Variants in ARHGAP15 observed in about 807,000 individuals in gnomAD.
The protein encoded by ARHGAP15 is Rho GTPase activating protein 15.
ARHGAP15 carries 51 observed loss-of-function variants against 63.7 expected under a neutral mutation model. The observed-to-expected ratio is 0.80, with a 90% confidence interval of 0.64 to 1.01. ARHGAP15 has a LOEUF of 1.01. ARHGAP15 is among the 50% of genes least tolerant of loss of function. The pLI, the probability that ARHGAP15 is intolerant of heterozygous loss-of-function variation, is 0.00. For synonymous variants in ARHGAP15, 191 were observed against 193.8 expected (o/e 0.99, Z 0.12); for missense variants, 560 against 564.6 (o/e 0.99, Z 0.08).
At chr2:143,133,444 T>C (rs1688990349) in intron 1 of ARHGAP15, among the ~76,000 whole-genome samples, 1 of 152,160 alleles carries the variant, frequency 6.6e-6, no homozygotes, top group Non-Finnish European at 1.5e-5. Context: ...TCTTGATGGG[T>C]TGTCTGTCTA....
intron 13 of ARHGAP15, among the ~76,000 whole-genome samples, chr2:143,759,160 G>T (rs549926658): frequency 2.0e-5 from 3 of 152,154 alleles, no homozygotes; most frequent in African/African-American, 7.2e-5. Flanking sequence ...ACTGTCTCCA[G>T]ATATTGCCAA....
intron 11 of ARHGAP15, among the ~76,000 whole-genome samples, chr2:143,563,588 G>A (rs1235911170): frequency 1.3e-5 from 2 of 152,074 alleles, no homozygotes; most frequent in Admixed American, 6.5e-5. Flanking sequence ...GTATTAATTC[G>A]GTTGTAGCTT....
At chr2:143,481,895 A>G in intron 8 of ARHGAP15, among the ~76,000 whole-genome samples, 1 of 152,128 alleles carries the variant, frequency 6.6e-6, no homozygotes, top group Middle Eastern at 3.2e-3. Context: ...AGCACCAATT[A>G]AGTCTCTCAA....
chr2:143,239,838 A>T (rs1693792468), intron 5 of ARHGAP15, among the ~76,000 whole-genome samples: 1 of 152,002 alleles, frequency 6.6e-6, no homozygotes, highest in African/African-American at 2.4e-5. Context: ...TAAAAATACA[A>T]AAATTAGTTG....
intron 13 of ARHGAP15, among the ~76,000 whole-genome samples, chr2:143,725,060 G>T (rs1282612629): frequency 6.6e-6 from 1 of 152,168 alleles, no homozygotes; most frequent in Non-Finnish European, 1.5e-5. Context: ...ACAATGTGGT[G>T]TCCATTGTAA....
intron 10 of ARHGAP15, among the ~76,000 whole-genome samples, chr2:143,552,481 C>T (rs796883247): frequency 8.7e-4 from 133 of 152,018 alleles, no homozygotes; most frequent in African/African-American, 2.6e-3. Context: ...ATTCTTTCCA[C>T]TGGGCTTAGA....
chr2:143,729,795 C>A (rs1217803383), intron 13 of ARHGAP15, among the ~76,000 whole-genome samples: 1 of 152,164 alleles, frequency 6.6e-6, no homozygotes. Context: ...ATTTAGATTG[C>A]CTTAAATCAA....
chr2:143,459,236 G>A (rs188811191), intron 8 of ARHGAP15, among the ~76,000 whole-genome samples: 13 of 152,104 alleles, frequency 8.5e-5, no homozygotes, highest in African/African-American at 2.9e-4. Flanking sequence ...TAATGAAAAA[G>A]AGTTGCAAAG....
chr2:143,179,148 A>G (rs1205947818), intron 2 of ARHGAP15, among the ~76,000 whole-genome samples: 7 of 152,208 alleles, frequency 4.6e-5, no homozygotes, highest in African/African-American at 1.7e-4. Flanking sequence ...TCCTGCACCT[A>G]ACCTAGACCT....
At chr2:143,196,426 CT>C (rs764780799) in intron 2 of ARHGAP15, among the ~76,000 whole-genome samples, 2 of 151,898 alleles carry the variant, frequency 1.3e-5, no homozygotes, top group South Asian at 2.1e-4. Context: ...AGGTTGGACT[CT>C]TTTTTTCTCC....
chr2:143,576,770 T>C (rs1233482893), intron 11 of ARHGAP15, among the ~76,000 whole-genome samples: 3 of 152,136 alleles, frequency 2.0e-5, no homozygotes, highest in African/African-American at 7.2e-5. Context: ...TTTTACCACC[T>C]CTTTTTCACC....
chr2:143,457,062 T>C (rs6736101), intron 8 of ARHGAP15, among the ~76,000 whole-genome samples: 39,209 of 151,986 alleles, frequency 0.26, 5,968 homozygotes, highest in East Asian at 0.7. Context: ...AGTGTGATTA[T>C]TTCACAAACT....
At chr2:143,293,104 A>G (rs1558871493) in intron 6 of ARHGAP15, among the ~76,000 whole-genome samples, 1 of 152,148 alleles carries the variant, frequency 6.6e-6, no homozygotes, top group East Asian at 1.9e-4. Context: ...TCCAGTGTCT[A>G]AAGTCTTTTG....
intron 5 of ARHGAP15, among the ~76,000 whole-genome samples, chr2:143,248,273 C>G (rs1694123236): frequency 6.6e-6 from 1 of 152,072 alleles, no homozygotes; most frequent in Non-Finnish European, 1.5e-5. Context: ...TAAGAAGGAG[C>G]CAGCCGTGTG....
At chr2:143,481,477 G>T (rs1310478395) in intron 8 of ARHGAP15, among the ~76,000 whole-genome samples, 1 of 152,140 alleles carries the variant, frequency 6.6e-6, no homozygotes, top group African/African-American at 2.4e-5. Context: ...GGCAGGAAAA[G>T]AAGGTATTTC....
At chr2:143,561,801 C>T (rs1429193497) in intron 11 of ARHGAP15, among the ~76,000 whole-genome samples, 1 of 151,986 alleles carries the variant, frequency 6.6e-6, no homozygotes, top group East Asian at 1.9e-4. Context: ...TGCGCCCGGC[C>T]GACATGTTTT....
At chr2:143,152,248 T>C (rs927099496) in intron 1 of ARHGAP15, among the ~76,000 whole-genome samples, 1 of 152,032 alleles carries the variant, frequency 6.6e-6, no homozygotes, top group African/African-American at 2.4e-5. Context: ...TCTTCGAACT[T>C]CCCTGGTACT....
chr2:143,371,328 A>G (rs1413879335), intron 6 of ARHGAP15, among the ~76,000 whole-genome samples: 3 of 152,184 alleles, frequency 2.0e-5, no homozygotes, highest in Admixed American at 6.5e-5. Flanking sequence ...TGAGAAGGAC[A>G]AATTGATGAG....
rs1221949644 is a variant in ARHGAP15, at chr2:143,767,910, C to A, written c.1245-79C>A. On this transcript the variant is annotated intron_variant, in intron 13 of 13. Transcript: ENST00000295095. ...GCAGTTACTTTTCCTGAATGAGAAA[C>A]CTTTTTTAATCACTCCAAAGTAGCC... The A allele has an allele frequency of 2.2e-6, 3 of 1,346,874 alleles. No homozygotes were observed. In the African/African-American group the frequency reaches 4.4e-5, roughly 20 times the overall value. The allele number at this position is 1,346,874 out of a possible 1,614,324, so 83.4% of individuals were successfully genotyped here. A position where few individuals can be genotyped will look rare whatever the true frequency, so the allele number is the denominator to read the frequency against.
Sources: gnomAD v4.1 joint callset for allele counts (sites outside exome capture counted in the v4.1 genomes callset) on GRCh38, gnomAD v4.1.1 for gene constraint, MANE v1.5 for transcripts, NCBI Gene and HGNC (gene_info 2026-07-23, HGNC 2026-07-21) for gene names.